Variants in GSTO2 observed in about 807,000 individuals in gnomAD.
The protein encoded by GSTO2 is glutathione S-transferase omega-2.
GSTO2 carries 23 observed loss-of-function variants against 28.4 expected under a neutral mutation model. That is an observed-to-expected ratio of 0.81 (90% CI 0.58 to 1.15). The LOEUF is 1.15. GSTO2 is among the 50% of genes most tolerant of loss of function. GSTO2 has a pLI of 0.00. For missense variants in GSTO2, 298 were observed against 297.8 expected (o/e 1.00, Z 0.00); for synonymous variants, 109 against 111.0 (o/e 0.98, Z 0.11).
intron 5 of GSTO2, among the ~76,000 whole-genome samples, chr10:104,293,563 A>AAT (rs2012876851): frequency 1.2e-5 from 1 of 81,652 alleles, no homozygotes; most frequent in Non-Finnish European, 2.3e-5. Context: ...CGCCTGGCCA[A>AAT]TTTTTTTTTT....
In GSTO2 at chr10:104,274,905, A is replaced by T; in HGVS notation, c.-11A>T. On this transcript the variant is annotated 5_prime_UTR_variant, in exon 2 of 7. Transcript: ENST00000338595. ...GTGAGCTCCGGGAGCTGCGCAAACC[A>T]CCTGGAGACCATGTCTGGGGATGCG... The T allele has an allele frequency of 6.2e-7, 1 of 1,608,534 alleles. No homozygotes were observed. Among genetic ancestry groups the T allele is most frequent in the Non-Finnish European group, 8.5e-7 (1 of 1,177,902 alleles).
rs1237526780 is a variant in GSTO2, at chr10:104,302,473, C to T, written c.*3189C>T. ...GCCTAGCCTGGACTCAGTCCAGTTA[C>T]AATCTAACATGGCTAGGGGGAGGAG... On this transcript the variant is annotated 3_prime_UTR_variant, in exon 7 of 7. Transcript: ENST00000338595. 2.0e-5 allele frequency: 3 copies of T among 152,402 alleles called. No individual in the cohort carries two copies. The highest frequency in any genetic ancestry group is 4.4e-5 in the Non-Finnish European group (3 of 68,056). The allele number at this position is 152,402 out of a possible 1,614,324, so 9.4% of individuals were successfully genotyped here.
At position 104,299,308 on chromosome 10, in the gene GSTO2, G is replaced by T; in HGVS notation, c.*24G>T. The T allele has an allele frequency of 6.2e-7, 1 of 1,613,010 alleles. No individual in the cohort carries two copies. Among genetic ancestry groups the T allele is most frequent in the Non-Finnish European group, 8.5e-7 (1 of 1,179,560 alleles). The stretch of plus-strand genomic sequence containing the variant: ...GAGTCTCACTGTCCACCCCTTCGCT[G>T]TCCAGAATTCCCCAGCTTGTTGGGA... On this transcript the variant is annotated 3_prime_UTR_variant, in exon 7 of 7. Coordinates refer to ENST00000338595, the MANE Select transcript of GSTO2 (RefSeq NM_183239.2).
intron 5 of GSTO2, among the ~76,000 whole-genome samples, chr10:104,289,394 C>A (rs1172048173): frequency 3.3e-5 from 5 of 152,182 alleles, no homozygotes; most frequent in Non-Finnish European, 7.3e-5. Flanking sequence ...CCACACCCAG[C>A]CCTACAAATA....
In GSTO2 at chr10:104,280,429, A is replaced by G. The variant is rs574518344; in HGVS notation, c.468+958A>G. Among the ~76,000 whole-genome samples, 4 of 152,316 alleles carry G rather than the reference A, an allele frequency of 2.6e-5. No homozygotes were observed. In the South Asian group the frequency reaches 8.3e-4, roughly 32 times the overall value. On this transcript the variant is annotated intron_variant, in intron 5 of 6. Coordinates refer to ENST00000338595, the MANE Select transcript of GSTO2 (RefSeq NM_183239.2). ...GTCATACCCCTTTAAAGGGCTTTAA[A>G]TCCTACCAGAAATTCTACTCAATGG...
chr10:104,293,563 A>ATTTTTTTTT lies in GSTO2; in HGVS notation c.469-4001_469-3993dup, dbSNP rs397787244. Among the ~76,000 whole-genome samples the ATTTTTTTTT allele has an allele frequency of 2.4e-3, 199 of 81,626 alleles. 22 individuals carry two copies. Among genetic ancestry groups the ATTTTTTTTT allele is most frequent in the African/African-American group, 8.7e-3 (141 of 16,236 alleles). 53.5% of individuals were successfully genotyped at this position (81,626 alleles called of 152,430 possible). A position where few individuals can be genotyped will look rare whatever the true frequency, so the allele number is the denominator to read the frequency against. On this transcript the variant is annotated intron_variant, in intron 5 of 6. Coordinates refer to ENST00000338595, the MANE Select transcript of GSTO2 (RefSeq NM_183239.2). ...AGGCATGAGCCACTGCGCCTGGCCA[A>ATTTTTTTTT]TTTTTTTTTTTTTTTTTTTTTTGCG... is the stretch of plus-strand genomic sequence containing the variant.
At chr10:104,275,189 T>A (rs779454821) in intron 2 of GSTO2, 37 bp from the exon 3 acceptor site, 1 of 1,582,730 alleles carries the variant, frequency 6.3e-7, no homozygotes, top group Non-Finnish European at 8.6e-7. Flanking sequence ...CTGACTAGCC[T>A]CTCCTTTCCC....
chr10:104,274,817 C>T lies in GSTO2; in HGVS notation c.-99C>T. ...AAAATTAAATTTGGGGCAAGGGGTG[C>T]GCGCCAGAGCGCAGCTGTTTCTGGA... On this transcript the variant is annotated 5_prime_UTR_variant, in exon 2 of 7. Coordinates refer to ENST00000338595, the MANE Select transcript of GSTO2 (RefSeq NM_183239.2). 2 of 1,422,560 alleles carry T rather than the reference C, an allele frequency of 1.4e-6. No homozygotes were observed. Among genetic ancestry groups the T allele is most frequent in the East Asian group, 2.5e-5 (1 of 40,510 alleles). 88.1% of individuals were successfully genotyped at this position (1,422,560 alleles called of 1,614,324 possible). A position where few individuals can be genotyped will look rare whatever the true frequency, so the allele number is the denominator to read the frequency against.
chr10:104,299,117 C>G lies in GSTO2; in HGVS notation c.576-11C>G, dbSNP rs2013174492. ...CCTGCACTGTGCTGACGCTTCTTTC[C>G]TGTCTTGCAGCTGTGTGAGCCACAC... is the stretch of plus-strand genomic sequence containing the variant. On this transcript the variant is annotated splice_polypyrimidine_tract_variant and intron_variant, in intron 6 of 6. Transcript: ENST00000338595. 6.2e-7 allele frequency: 1 copy of G among 1,610,906 alleles called. No individual in the cohort carries two copies. The highest frequency in any genetic ancestry group is 8.5e-7 in the Non-Finnish European group (1 of 1,178,288).
At chr10:104,280,352 A>T (rs2011960291) in intron 5 of GSTO2, among the ~76,000 whole-genome samples, 1 of 152,232 alleles carries the variant, frequency 6.6e-6, no homozygotes, top group Admixed American at 6.5e-5. Flanking sequence ...CAGCCATCAC[A>T]TCCAAGTTCC....
At position 104,269,229 on chromosome 10, in the gene GSTO2, G is replaced by C. The variant is rs1012635815; in HGVS notation, c.-272G>C. 1 of 152,538 alleles carries C rather than the reference G, an allele frequency of 6.6e-6. No individual in the cohort carries two copies. The highest frequency in any genetic ancestry group is 1.5e-5 in the Non-Finnish European group (1 of 68,280). 9.4% of individuals were successfully genotyped at this position (152,538 alleles called of 1,614,324 possible). A position where few individuals can be genotyped will look rare whatever the true frequency, so the allele number is the denominator to read the frequency against. On this transcript the variant is annotated 5_prime_UTR_variant, in exon 1 of 7. Coordinates refer to ENST00000338595, the MANE Select transcript of GSTO2 (RefSeq NM_183239.2). ...CGCCAATCCTGGTCCGGTTGCCCGA[G>C]TTCCCGGAGGTCTCTCGCGGGACCT...
chr10:104,275,201 G>A (rs745533473), intron 2 of GSTO2, 25 bp from the exon 3 acceptor site: 7 of 1,597,598 alleles, frequency 4.4e-6, no homozygotes, highest in Non-Finnish European at 6.0e-6. Flanking sequence ...TCCTTTCCCT[G>A]TCCCCCTCCA....
At chr10:104,297,483 C>A in intron 5 of GSTO2, 95 bp from the exon 6 acceptor site, 1 of 762,716 alleles carries the variant, frequency 1.3e-6, no homozygotes, top group Non-Finnish European at 2.2e-6. Flanking sequence ...TCAGTTCTCC[C>A]TCTCTGGGAA....
chr10:104,282,622 A>C (rs564419826), intron 5 of GSTO2, among the ~76,000 whole-genome samples: 2 of 152,056 alleles, frequency 1.3e-5, no homozygotes, highest in Admixed American at 6.6e-5. Flanking sequence ...TAGAGTGTCC[A>C]AGAGGAGGGA....
Position 104,298,538 on chromosome 10 carries a change from C to T in GSTO2, c.576-590C>T, listed in dbSNP as rs539638732. ...AGCATGGAGTCACAGGTTAGGAAACCTCACTTCTAGTCCTGGATTCCCGAC... is the reference window on the plus strand; with the variant it reads ...AGCATGGAGTCACAGGTTAGGAAACTTCACTTCTAGTCCTGGATTCCCGAC... On this transcript the variant is annotated intron_variant, in intron 6 of 6. Coordinates refer to ENST00000338595, the MANE Select transcript of GSTO2 (RefSeq NM_183239.2). Among the ~76,000 whole-genome samples, 3 of 152,332 alleles carry T rather than the reference C, an allele frequency of 2.0e-5. No individual in the cohort carries two copies. The South Asian group carries it at 6.2e-4, about 32-fold the overall frequency.
chr10:104,278,523 C>G (rs547269571), intron 4 of GSTO2, among the ~76,000 whole-genome samples: 1 of 152,272 alleles, frequency 6.6e-6, no homozygotes, highest in East Asian at 1.9e-4. Context: ...GCTCTGTCAC[C>G]CAGGCTGGAG....
intron 5 of GSTO2, among the ~76,000 whole-genome samples, chr10:104,280,403 G>C (rs939245801): frequency 2.0e-5 from 3 of 152,078 alleles, no homozygotes; most frequent in Non-Finnish European, 4.4e-5. Context: ...AATGGCAAAT[G>C]GTCATACCCC....
At chr10:104,280,499 T>A (rs966345122) in intron 5 of GSTO2, among the ~76,000 whole-genome samples, 4 of 152,220 alleles carry the variant, frequency 2.6e-5, no homozygotes, top group African/African-American at 9.6e-5. Context: ...GGGTCATAAC[T>A]ATCTTAGAGA....
At chr10:104,275,011 G>T in intron 2 of GSTO2, 62 bp downstream of exon 2, 1 of 1,554,294 alleles carries the variant, frequency 6.4e-7, no homozygotes, top group South Asian at 1.2e-5. Flanking sequence ...TGTTGGCTTC[G>T]GCGGAGCTGC....
Sources: allele counts gnomAD v4.1 joint callset (sites outside exome capture counted in the v4.1 genomes callset), GRCh38; gene constraint gnomAD v4.1.1; transcripts MANE v1.5; gene names NCBI Gene and HGNC (gene_info 2026-07-23, HGNC 2026-07-21).